Variants in AFTPH observed in about 807,000 individuals in gnomAD.
The protein encoded by AFTPH is aftiphilin.
A neutral mutation model predicts 72.5 loss-of-function variants in AFTPH; 7 were observed. The observed-to-expected ratio is 0.10, with a 90% confidence interval of 0.05 to 0.18. The LOEUF (loss-of-function observed/expected upper bound fraction) is 0.18, where lower values mean the gene tolerates loss of function less well. Among genes scored for constraint, AFTPH ranks in the 10% least tolerant of loss-of-function variants. The pLI is 1.00. For synonymous variants in AFTPH, 337 were observed against 370.1 expected, an observed-to-expected ratio of 0.91 and a Z score of 1.03; for missense variants, 979 against 1,060.5, an observed-to-expected ratio of 0.92 and a Z score of 1.07.
At chr2:64,544,703 A>C (rs777197149) in intron 1 of AFTPH, among the ~76,000 whole-genome samples, 5 of 152,314 alleles carry the variant, frequency 3.3e-5, no homozygotes, top group Non-Finnish European at 5.9e-5. Flanking sequence ...TTCAATTAAC[A>C]TGAAACTTCT....
exon 2 of AFTPH, chr2:64,551,515 C>T (rs763516705): frequency 6.2e-7 from 1 of 1,613,976 alleles, no homozygotes; most frequent in South Asian, 1.1e-5. Context: ...TCATCCCCAC[C>T]ACCATTAGAC....
At chr2:64,529,584 G>A (rs12713514) in intron 1 of AFTPH, among the ~76,000 whole-genome samples, 71,305 of 150,750 alleles carry the variant, frequency 0.47, 18,406 homozygotes, top group African/African-American at 0.7. Context: ...TTATTGCAGA[G>A]GCATACAGGA....
rs770654545 is a variant in AFTPH, at chr2:64,552,245, A to T, written c.771A>T (p.Glu257Asp). 5 of 1,614,016 alleles carry T rather than the reference A, an allele frequency of 3.1e-6. No homozygotes were observed. The South Asian group carries it at 5.5e-5, about 18-fold the overall frequency. The change falls in exon 2 of 9, where the codon GAA becomes GAT. Residue 257 changes from glutamate to aspartate, a missense_variant. By Grantham distance (45) the Glu-to-Asp change is conservative (BLOSUM62 2). Coordinates refer to ENST00000238856, the Ensembl canonical transcript of AFTPH. Reference sequence around the variant, plus strand: ...AATGTGCAGTTTTAAATGATAGAGAAGCACTAACCATTCGGGAAAACAATA... The same window carrying T: ...AATGTGCAGTTTTAAATGATAGAGATGCACTAACCATTCGGGAAAACAATA...
chr2:64,570,592 T>C (rs1167494357), intron 5 of AFTPH, among the ~76,000 whole-genome samples: 2 of 152,222 alleles, frequency 1.3e-5, no homozygotes, highest in East Asian at 3.8e-4. Flanking sequence ...ATTTTGATGA[T>C]CCCCACATTG....
intron 1 of AFTPH, among the ~76,000 whole-genome samples, chr2:64,536,741 T>C (rs1669912857): frequency 6.6e-6 from 1 of 151,060 alleles, no homozygotes; most frequent in Non-Finnish European, 1.5e-5. Flanking sequence ...TTGCTTGAGC[T>C]CAGGAGGTTG....
At chr2:64,566,351 A>AT (rs1329058935) in intron 2 of AFTPH, among the ~76,000 whole-genome samples, 3 of 152,182 alleles carry the variant, frequency 2.0e-5, no homozygotes, top group African/African-American at 7.2e-5. Context: ...AAGACTAATT[A>AT]TGCAGTGTTA....
chr2:64,536,566 T>TAAAAAAA (rs142981388), intron 1 of AFTPH, among the ~76,000 whole-genome samples: 6 of 107,612 alleles, frequency 5.6e-5, no homozygotes, highest in Non-Finnish European at 1.2e-4. Context: ...GACTCCATCT[T>TAAAAAAA]AAAAAAAAAA....
chr2:64,585,135 G>C (rs1673434319), intron 7 of AFTPH, among the ~76,000 whole-genome samples: 1 of 152,184 alleles, frequency 6.6e-6, no homozygotes. Flanking sequence ...TTCTATAGCA[G>C]ATAGAAATTT....
intron 1 of AFTPH, among the ~76,000 whole-genome samples, chr2:64,529,634 T>A (rs1329954413): frequency 2.0e-5 from 1 of 49,660 alleles, no homozygotes; most frequent in Non-Finnish European, 4.2e-5. Flanking sequence ...AACAAATCAC[T>A]TTTTTTTTTT....
chr2:64,584,829 T>A (rs750128471), intron 7 of AFTPH, among the ~76,000 whole-genome samples: 1 of 152,056 alleles, frequency 6.6e-6, no homozygotes, highest in African/African-American at 2.4e-5. Flanking sequence ...ATCTCCTGAC[T>A]TTGTGATCTG....
chr2:64,577,857 A>G (rs1375058491), intron 6 of AFTPH, among the ~76,000 whole-genome samples: 1 of 152,230 alleles, frequency 6.6e-6, no homozygotes, highest in Non-Finnish European at 1.5e-5. Flanking sequence ...CTTACATAAT[A>G]TGCTATAATG....
chr2:64,585,288 C>T, intron 7 of AFTPH, 134 bp from the exon 9 acceptor site: 2 of 1,039,812 alleles, frequency 1.9e-6, no homozygotes, highest in Non-Finnish European at 1.4e-6. Context: ...TGCAGTATTG[C>T]AGTGTTCTAA....
chr2:64,552,564 A>G (rs959687632), exon 2 of AFTPH: 3 of 1,614,154 alleles, frequency 1.9e-6, no homozygotes, highest in Non-Finnish European at 2.5e-6. Flanking sequence ...ACTTACTTCT[A>G]AATGTGCTCA....
intron 1 of AFTPH, among the ~76,000 whole-genome samples, chr2:64,524,925 C>T (rs971965267): frequency 2.0e-5 from 3 of 152,266 alleles, no homozygotes. Context: ...TTGCTTCCAC[C>T]TCCCAAAGCT....
At chr2:64,583,235 T>C (rs1420511711) in intron 7 of AFTPH, among the ~76,000 whole-genome samples, 1 of 151,806 alleles carries the variant, frequency 6.6e-6, no homozygotes, top group Admixed American at 6.6e-5. Flanking sequence ...TTATTTTGTG[T>C]GTGAGACTTA....
intron 5 of AFTPH, among the ~76,000 whole-genome samples, chr2:64,572,588 A>G (rs1273531809): frequency 1.3e-5 from 2 of 152,188 alleles, no homozygotes; most frequent in Non-Finnish European, 2.9e-5. Flanking sequence ...ATAATTCTGT[A>G]CTTTAAAACC....
intron 2 of AFTPH, among the ~76,000 whole-genome samples, chr2:64,557,950 T>A (rs1222103682): frequency 6.6e-6 from 1 of 152,252 alleles, no homozygotes; most frequent in Non-Finnish European, 1.5e-5. Flanking sequence ...AAATCATGTT[T>A]AGATCTGGTG....
chr2:64,539,261 C>T (rs193101868), intron 1 of AFTPH, among the ~76,000 whole-genome samples: 20 of 152,168 alleles, frequency 1.3e-4, no homozygotes, highest in Admixed American at 1.3e-3. Context: ...TAGCATTATG[C>T]TCTGGCGACA....
At chr2:64,578,732 TTA>T (rs1178110375) in intron 6 of AFTPH, among the ~76,000 whole-genome samples, 3 of 151,770 alleles carry the variant, frequency 2.0e-5, no homozygotes, top group African/African-American at 7.3e-5. Flanking sequence ...TAATTTTTTT[TTA>T]TTTTTAGTAG....
Sources: allele counts gnomAD v4.1 joint callset (sites outside exome capture counted in the v4.1 genomes callset), GRCh38; gene constraint gnomAD v4.1.1; transcripts MANE v1.5; gene names NCBI Gene and HGNC (gene_info 2026-07-23, HGNC 2026-07-21).